Variants in DGKB observed in about 807,000 individuals in gnomAD.
DGKB encodes the protein diacylglycerol kinase beta.
Under a neutral mutation model 114.3 loss-of-function variants are expected in DGKB, and 67 were observed. The observed-to-expected ratio is 0.59, with a 90% CI of 0.48 to 0.72. The LOEUF (loss-of-function observed/expected upper bound fraction) is 0.72. DGKB is among the 30% of genes least tolerant of loss of function. DGKB has a pLI of 0.00. For synonymous variants in DGKB, 398 were observed against 323.1 expected (o/e 1.23, Z -2.49); for missense variants, 907 against 975.2 (o/e 0.93, Z 0.93).
chr7:14,720,531 G>C (rs1197188725), intron 5 of DGKB, among the ~76,000 whole-genome samples: 1 of 150,086 alleles, frequency 6.7e-6, no homozygotes. Flanking sequence ...GTTTAGTAGA[G>C]ATGGTGTTTC....
Position 14,345,303 on chromosome 7 carries a change from C to G in DGKB, c.1924G>C (p.Glu642Gln). Residue 642 changes from glutamate to glutamine, a missense_variant and splice_region_variant, in exon 22 of 26, where the codon GAA (glutamate) becomes CAA (glutamine). Physicochemically the swap from Glu to Gln is conservative, Grantham distance 29 (BLOSUM62 2). Coordinates refer to ENST00000402815, the MANE Select transcript of DGKB (RefSeq NM_001350709.2). ...AAGAGAATTCATTTTTTTCTTACTTCTATTTCTACAGATTCATGTAGCTTC... is the reference window on the plus strand; with the variant it reads ...AAGAGAATTCATTTTTTTCTTACTTGTATTTCTACAGATTCATGTAGCTTC... The part of the protein sequence containing the change: ...CKKLHESVEI[E>Q]CDGVQIDLIN... 2 of 1,524,316 alleles carry G rather than the reference C, an allele frequency of 1.3e-6. No homozygotes were observed. Among genetic ancestry groups the G allele is most frequent in the Non-Finnish European group, 1.8e-6 (2 of 1,129,402 alleles). 94.4% of individuals were successfully genotyped at this position (1,524,316 alleles called of 1,614,324 possible). A position where few individuals can be genotyped will look rare whatever the true frequency, so the allele number is the denominator to read the frequency against.
At chr7:14,594,992 C>G (rs1032304671) in intron 17 of DGKB, among the ~76,000 whole-genome samples, 1 of 152,016 alleles carries the variant, frequency 6.6e-6, no homozygotes, top group Admixed American at 6.6e-5. Flanking sequence ...ATCTCACTGG[C>G]TTAACTGAGA....
rs1421169478 is a variant in DGKB at position 14,244,181 on chromosome 7, A to G, written c.2123-66030T>C. On this transcript the variant is annotated intron_variant, in intron 23 of 25. Coordinates refer to ENST00000402815, the MANE Select transcript of DGKB (RefSeq NM_001350709.2). ...CGAAAGTGGACTAGGCCTTGAATAA[A>G]GTGCAGAATATTAACAAGTCAGAGG... Among the ~76,000 whole-genome samples, 3 of 152,182 alleles carry G rather than the reference A, an allele frequency of 2.0e-5. No homozygotes were observed. The East Asian group carries it at 5.8e-4, about 29-fold the overall frequency.
chr7:14,808,020 A>G (rs1842974159), intron 2 of DGKB, among the ~76,000 whole-genome samples: 1 of 152,066 alleles, frequency 6.6e-6, no homozygotes, highest in Non-Finnish European at 1.5e-5. Flanking sequence ...TGTCATTATA[A>G]TGACTAAAAT....
At chr7:14,233,693 G>A (rs566970479) in intron 23 of DGKB, among the ~76,000 whole-genome samples, 1 of 152,092 alleles carries the variant, frequency 6.6e-6, no homozygotes, top group Admixed American at 6.6e-5. Flanking sequence ...GAGAAAGGGC[G>A]GACAGGTAGT....
At chr7:14,599,397 G>C (rs7809829) in intron 17 of DGKB, among the ~76,000 whole-genome samples, 128,908 of 152,134 alleles carry the variant, frequency 0.85, 54,901 homozygotes, top group East Asian at 1. Context: ...GTCTCCCTGG[G>C]CTTCTTGCTA....
intron 2 of DGKB, among the ~76,000 whole-genome samples, chr7:14,777,181 G>A (rs982819145): frequency 4.6e-5 from 7 of 152,130 alleles, no homozygotes; most frequent in Non-Finnish European, 1.0e-4. Flanking sequence ...GTTGTATCTA[G>A]GAAGTGACTC....
chr7:14,613,289 AT>A, intron 16 of DGKB, 50 bp downstream of exon 16: 7 of 1,127,506 alleles, frequency 6.2e-6, no homozygotes, highest in South Asian at 1.5e-5. Flanking sequence ...AGTTTTGTCT[AT>A]TTTTTTACAT....
At chr7:14,928,921 T>C (rs1329878280) in intron 1 of DGKB, among the ~76,000 whole-genome samples, 1 of 152,022 alleles carries the variant, frequency 6.6e-6, no homozygotes, top group East Asian at 1.9e-4. Flanking sequence ...AATGAGAACA[T>C]GCAATATTTA....
intron 15 of DGKB, among the ~76,000 whole-genome samples, chr7:14,615,769 G>A (rs1017250132): frequency 6.6e-6 from 1 of 151,680 alleles, no homozygotes; most frequent in Admixed American, 6.6e-5. Context: ...TATAAAGTAT[G>A]AGATAAGTAA....
rs577644888 is a variant in DGKB, at chr7:14,910,504, T to G, written c.-188+64192A>C. Among the ~76,000 whole-genome samples the G allele has an allele frequency of 1.0e-3, 157 of 152,270 alleles. 1 individual carries two copies. Among genetic ancestry groups the G allele is most frequent in the Non-Finnish European group, 1.9e-3 (132 of 68,014 alleles). On this transcript the variant is annotated intron_variant, in intron 1 of 4. Coordinates refer to the DGKB transcript ENST00000437998. ...TTTTTGGCTACCAAAATTGTTCATT[T>G]TAGTGAGAAAAAATACTTTTATGTT...
intron 23 of DGKB, among the ~76,000 whole-genome samples, chr7:14,292,562 A>T (rs1801927092): frequency 6.6e-6 from 1 of 152,224 alleles, no homozygotes; most frequent in Non-Finnish European, 1.5e-5. Flanking sequence ...ACTAATTTTT[A>T]TAGAAATCTA....
intron 21 of DGKB, among the ~76,000 whole-genome samples, chr7:14,362,518 A>T (rs1405646601): frequency 6.6e-6 from 1 of 152,066 alleles, no homozygotes; most frequent in Admixed American, 6.6e-5. Context: ...TGAAATATAT[A>T]AAGTTTCTGC....
intron 14 of DGKB, among the ~76,000 whole-genome samples, chr7:14,625,238 C>T (rs1221031670): frequency 6.6e-6 from 1 of 152,106 alleles, no homozygotes; most frequent in Admixed American, 6.6e-5. Flanking sequence ...CAAGTGATTT[C>T]TTTGGGGAAA....
intron 23 of DGKB, among the ~76,000 whole-genome samples, chr7:14,289,992 A>C (rs768248313): frequency 1.6e-4 from 24 of 152,174 alleles, no homozygotes; most frequent in Non-Finnish European, 3.1e-4. Flanking sequence ...ATGTAGGCAA[A>C]ATCAAATGCT....
At chr7:14,697,557 T>C (rs1054285686) in intron 8 of DGKB, among the ~76,000 whole-genome samples, 3 of 152,000 alleles carry the variant, frequency 2.0e-5, no homozygotes, top group South Asian at 4.1e-4. Context: ...TACCTTGTTA[T>C]CTTATTCAGA....
intron 21 of DGKB, among the ~76,000 whole-genome samples, chr7:14,397,789 T>A (rs946829500): frequency 2.0e-5 from 3 of 152,176 alleles, no homozygotes; most frequent in Non-Finnish European, 4.4e-5. Context: ...TGTTAGGTAA[T>A]TTAAGCATTT....
At position 14,610,433 on chromosome 7, in the gene DGKB, G is replaced by C. The variant is rs141504255; in HGVS notation, c.1358+2907C>G. ...AAAAAAACTACCTGTTGGGTACTAC[G>C]CTTGCTACCTGAGCATAATATACTC... On this transcript the variant is annotated intron_variant, in intron 16 of 25. Coordinates refer to ENST00000402815, the MANE Select transcript of DGKB (RefSeq NM_001350709.2). Among the ~76,000 whole-genome samples the C allele has an allele frequency of 1.9e-3, 283 of 152,076 alleles. 1 individual carries two copies. The highest frequency in any genetic ancestry group is 3.3e-3 in the South Asian group (16 of 4,818).
At chr7:14,436,323 T>C (rs1156607269) in intron 21 of DGKB, among the ~76,000 whole-genome samples, 2 of 152,186 alleles carry the variant, frequency 1.3e-5, no homozygotes, top group South Asian at 4.1e-4. Context: ...AATGTTTAGC[T>C]CTTTGACCAA....
Sources: allele counts gnomAD v4.1 joint callset (sites outside exome capture counted in the v4.1 genomes callset), GRCh38; gene constraint gnomAD v4.1.1; transcripts MANE v1.5; gene names NCBI Gene and HGNC (gene_info 2026-07-23, HGNC 2026-07-21).